Variants in IFT88 observed in about 807,000 individuals in gnomAD.
The protein encoded by IFT88 is intraflagellar transport protein 88 homolog.
IFT88 carries 74 observed loss-of-function variants against 119.5 expected under a neutral mutation model. That is an observed-to-expected ratio of 0.62 (90% CI 0.51 to 0.75). The LOEUF (loss-of-function observed/expected upper bound fraction) is 0.75, where lower values mean the gene tolerates loss of function less well. Among genes scored for constraint, IFT88 ranks in the 30% least tolerant of loss-of-function variants. The pLI, the probability that IFT88 is intolerant of heterozygous loss-of-function variation, is 0.00. For synonymous variants in IFT88, 279 were observed against 316.7 expected (o/e 0.88, Z 1.26); for missense variants, 961 against 977.7 (o/e 0.98, Z 0.23).
intron 23 of IFT88, among the ~76,000 whole-genome samples, chr13:20,668,974 C>A (rs2055281813): frequency 6.6e-6 from 1 of 152,118 alleles, no homozygotes; most frequent in African/African-American, 2.4e-5. Context: ...AGTGGGGAGC[C>A]CTGAGGCTTG....
chr13:20,619,942 C>T (rs975523878), intron 14 of IFT88, among the ~76,000 whole-genome samples: 4 of 152,100 alleles, frequency 2.6e-5, no homozygotes, highest in Admixed American at 6.6e-5. Flanking sequence ...TTTTAATTTG[C>T]ATTTCACTCT....
intron 13 of IFT88, chr13:20,607,949 A>G (rs2043801158): frequency 3.2e-6 from 2 of 633,290 alleles, no homozygotes; most frequent in African/African-American, 1.8e-5. Context: ...GATGCAAACC[A>G]GCAAGTCAGG....
At position 20,575,931 on chromosome 13, in the gene IFT88, T is replaced by C. The variant is rs571784482; in HGVS notation, c.90+1456T>C. On this transcript the variant is annotated intron_variant, in intron 2 of 25. Transcript: ENST00000351808. ...TATGATAGATCTATTTTTAGTTTTT[T>C]GAGGAACCTCTAAACTGTTCTCCAT... 8.1e-4 allele frequency among the ~76,000 whole-genome samples: 124 copies of C among 152,360 alleles called. 1 individual carries two copies. The highest frequency in any genetic ancestry group is 2.9e-3 in the African/African-American group (119 of 41,588).
rs574992426 is a variant in IFT88 at position 20,619,260 on chromosome 13, C to T, written c.1199+3381C>T. 5.9e-5 allele frequency among the ~76,000 whole-genome samples: 9 copies of T among 152,256 alleles called. No individual in the cohort carries two copies. The East Asian group carries it at 1.5e-3, about 26-fold the overall frequency. ...CAAACAAACATTTAGCCATTGCATACCCTAATAAATAAAATTTAAAGAATA... is the reference window on the plus strand; with the variant it reads ...CAAACAAACATTTAGCCATTGCATATCCTAATAAATAAAATTTAAAGAATA... On this transcript the variant is annotated intron_variant, in intron 14 of 25. Transcript: ENST00000351808.
At chr13:20,578,481 G>C in intron 2 of IFT88, among the ~76,000 whole-genome samples, 1 of 150,420 alleles carries the variant, frequency 6.6e-6, no homozygotes, top group South Asian at 2.1e-4. Context: ...CTTTCTTCTA[G>C]GTTTTCAATT....
chr13:20,674,954 C>T (rs2056475408), intron 24 of IFT88, among the ~76,000 whole-genome samples: 1 of 151,646 alleles, frequency 6.6e-6, no homozygotes, highest in South Asian at 2.1e-4. Flanking sequence ...ACCTCGTGAT[C>T]CACCCGCCTC....
chr13:20,688,038 G>T (rs990197998), intron 24 of IFT88, among the ~76,000 whole-genome samples: 2 of 152,268 alleles, frequency 1.3e-5, no homozygotes, highest in Admixed American at 6.5e-5. Context: ...AGGCCAAGTC[G>T]GAAAGAGGCC....
intron 24 of IFT88, among the ~76,000 whole-genome samples, chr13:20,686,217 A>ATTTGCAGCT (rs2057902040): frequency 6.6e-6 from 1 of 152,194 alleles, no homozygotes; most frequent in Non-Finnish European, 1.5e-5. Flanking sequence ...AGACAATCTT[A>ATTTGCAGCT]TTTGCAGCTG....
intron 20 of IFT88, among the ~76,000 whole-genome samples, chr13:20,645,420 C>T (rs913437670): frequency 2.0e-5 from 3 of 152,118 alleles, no homozygotes; most frequent in African/African-American, 7.2e-5. Context: ...TATTTTATTC[C>T]ATTTTACTTG....
chr13:20,591,731 T>C, intron 6 of IFT88, 50 bp downstream of exon 6: 1 of 1,224,266 alleles, frequency 8.2e-7, no homozygotes, highest in Non-Finnish European at 1.2e-6. Flanking sequence ...TTTTAATCTT[T>C]TATCATTTTG....
chr13:20,643,697 T>TA, intron 19 of IFT88, 92 bp downstream of exon 19: 1 of 818,556 alleles, frequency 1.2e-6, no homozygotes, highest in Non-Finnish European at 1.9e-6. Context: ...TAGAAGATCT[T>TA]ACCAGTTTTA....
intron 24 of IFT88, among the ~76,000 whole-genome samples, chr13:20,685,049 CAT>C (rs1158681091): frequency 1.3e-5 from 2 of 152,220 alleles, no homozygotes; most frequent in Non-Finnish European, 2.9e-5. Context: ...ATCTGACCCA[CAT>C]ATTATTGACA....
intron 20 of IFT88, among the ~76,000 whole-genome samples, chr13:20,651,962 A>G (rs2051801527): frequency 6.6e-6 from 1 of 152,208 alleles, no homozygotes; most frequent in Non-Finnish European, 1.5e-5. Flanking sequence ...GCTAAGTGAA[A>G]GAAGCCAGAC....
intron 15 of IFT88, among the ~76,000 whole-genome samples, chr13:20,628,546 A>G (rs558747203): frequency 1.3e-5 from 2 of 152,216 alleles, no homozygotes; most frequent in South Asian, 2.1e-4. Flanking sequence ...TAAACTTACA[A>G]TATTTTACTT....
intron 13 of IFT88, among the ~76,000 whole-genome samples, chr13:20,608,719 A>T (rs938824881): frequency 9.2e-5 from 14 of 152,304 alleles, no homozygotes; most frequent in African/African-American, 2.9e-4. Flanking sequence ...ACAGAGATGG[A>T]TCCCGTTTCC....
chr13:20,602,237 G>A (rs1303198479), intron 12 of IFT88, among the ~76,000 whole-genome samples: 1 of 137,376 alleles, frequency 7.3e-6, no homozygotes, highest in African/African-American at 2.8e-5. Context: ...GAGACAGAGA[G>A]CCTGCCTTCC....
chr13:20,669,290 T>G (rs912988372), intron 23 of IFT88, among the ~76,000 whole-genome samples: 25 of 152,318 alleles, frequency 1.6e-4, no homozygotes, highest in African/African-American at 5.8e-4. Context: ...GTGTAGTGAT[T>G]ATGGAAGTGC....
chr13:20,663,784 G>T (rs2054198607), intron 23 of IFT88, among the ~76,000 whole-genome samples, 180 bp downstream of exon 23: 1 of 152,212 alleles, frequency 6.6e-6, no homozygotes, highest in African/African-American at 2.4e-5. Flanking sequence ...GGCAAAAGTG[G>T]ATTCCCAGGG....
intron 13 of IFT88, among the ~76,000 whole-genome samples, chr13:20,607,117 G>A (rs1056177307): frequency 1.3e-5 from 2 of 152,122 alleles, no homozygotes; most frequent in Non-Finnish European, 2.9e-5. Flanking sequence ...GTGCCTTCCT[G>A]TTCCCGGTGA....
Sources: gnomAD v4.1 joint callset for allele counts (sites outside exome capture counted in the v4.1 genomes callset) on GRCh38, gnomAD v4.1.1 for gene constraint, MANE v1.5 for transcripts, NCBI Gene and HGNC (gene_info 2026-07-23, HGNC 2026-07-21) for gene names.